CACNA2D3: variants seen among roughly 807,000 people sequenced by gnomAD.
CACNA2D3 encodes the protein calcium voltage-gated channel auxiliary subunit alpha2delta 3, also known as voltage-dependent calcium channel subunit alpha-2/delta-3.
CACNA2D3 carries 60 observed loss-of-function variants against 160.6 expected under a neutral mutation model. The ratio of observed to expected loss-of-function variants is 0.37; its 90% CI spans 0.30 to 0.46. The LOEUF (loss-of-function observed/expected upper bound fraction) is 0.46. Ranked by LOEUF, CACNA2D3 falls within the 20% of genes least tolerant of loss-of-function variation. The pLI is 1.00. For synonymous variants in CACNA2D3, 558 were observed against 492.9 expected (o/e 1.13, Z -1.75); for missense variants, 1,205 against 1,365.0 (o/e 0.88, Z 1.85).
chr3:54,659,782 T>C (rs1442870410), intron 11 of CACNA2D3, among the ~76,000 whole-genome samples: 3 of 152,200 alleles, frequency 2.0e-5, no homozygotes, highest in African/African-American at 4.8e-5. Context: ...CATTTATCTC[T>C]GCGGTGTTTG....
intron 2 of CACNA2D3, among the ~76,000 whole-genome samples, chr3:54,302,376 A>AG (rs1272762770): frequency 6.6e-6 from 1 of 152,116 alleles, no homozygotes; most frequent in African/African-American, 2.4e-5. Context: ...TTGTTTGTGG[A>AG]GGGGACTTAC....
intron 2 of CACNA2D3, among the ~76,000 whole-genome samples, chr3:54,235,826 G>A (rs1701862718): frequency 6.6e-6 from 1 of 152,212 alleles, no homozygotes; most frequent in Non-Finnish European, 1.5e-5. Context: ...CGGGAGGTGT[G>A]TAACTCCCAC....
At chr3:54,265,530 ATG>A (rs59375998) in intron 2 of CACNA2D3, among the ~76,000 whole-genome samples, 25,582 of 132,136 alleles carry the variant, frequency 0.19, 3,176 homozygotes, top group Admixed American at 0.25. Context: ...AACTTAAAGT[ATG>A]TGTGTGTGTG....
chr3:54,937,494 G>A (rs1260196551), intron 27 of CACNA2D3, among the ~76,000 whole-genome samples: 1 of 152,170 alleles, frequency 6.6e-6, no homozygotes, highest in Non-Finnish European at 1.5e-5. Flanking sequence ...CATAAATTAT[G>A]TATTTTCCAA....
chr3:54,488,047 G>A lies in CACNA2D3; in HGVS notation c.382-15445G>A, dbSNP rs151274324. 5.3e-5 allele frequency among the ~76,000 whole-genome samples: 8 copies of A among 152,336 alleles called. No homozygotes were observed. In the East Asian group the frequency reaches 1.3e-3, roughly 26 times the overall value. ...TGAAGCCACCCATACAAAGGTCTTA[G>A]GGGAATAGGCTTCGAGGCAGGATGA... is the stretch of plus-strand genomic sequence containing the variant. On this transcript the variant is annotated intron_variant, in intron 4 of 37. Coordinates refer to ENST00000474759, the MANE Select transcript of CACNA2D3 (RefSeq NM_018398.3).
At chr3:54,879,918 C>T (rs1699751822) in intron 20 of CACNA2D3, among the ~76,000 whole-genome samples, 1 of 152,218 alleles carries the variant, frequency 6.6e-6, no homozygotes, top group Admixed American at 6.5e-5. Flanking sequence ...GGCTTTGCCT[C>T]ATTGGCTGCT....
chr3:54,476,267 T>TATATATCAC (rs943391582), intron 4 of CACNA2D3, among the ~76,000 whole-genome samples: 1 of 150,388 alleles, frequency 6.6e-6, no homozygotes, highest in Non-Finnish European at 1.5e-5. Context: ...TGTGTATATA[T>TATATATCAC]ATATATCACA....
chr3:54,123,606 G>A lies in CACNA2D3; in HGVS notation c.204+12G>A. 6.2e-7 allele frequency: 1 copy of A among 1,608,632 alleles called. No individual in the cohort carries two copies. The highest frequency in any genetic ancestry group is 1.7e-4 in the Middle Eastern group (1 of 6,056). ...AGCTTCTGCAAAAGGTAAGGTTTCTGTGGTGGCAGGAAGCGATGATTTTTC... is the reference window on the plus strand; with the variant it reads ...AGCTTCTGCAAAAGGTAAGGTTTCTATGGTGGCAGGAAGCGATGATTTTTC... On this transcript the variant is annotated intron_variant, in intron 2 of 37. Coordinates refer to ENST00000474759, the MANE Select transcript of CACNA2D3 (RefSeq NM_018398.3).
intron 4 of CACNA2D3, among the ~76,000 whole-genome samples, chr3:54,446,735 A>T (rs1700227487): frequency 6.6e-6 from 1 of 152,044 alleles, no homozygotes; most frequent in South Asian, 2.1e-4. Context: ...TAGCCTGAGG[A>T]TGTCGTTTTC....
intron 2 of CACNA2D3, among the ~76,000 whole-genome samples, chr3:54,169,121 G>A (rs950093443): frequency 3.3e-5 from 5 of 152,206 alleles, no homozygotes; most frequent in African/African-American, 1.2e-4. Context: ...TGACACGAGA[G>A]ACCCCAAGGG....
chr3:54,740,514 T>C (rs1412757828), intron 11 of CACNA2D3, among the ~76,000 whole-genome samples: 2 of 151,926 alleles, frequency 1.3e-5, no homozygotes, highest in Non-Finnish European at 2.9e-5. Context: ...GGGCAAGAGG[T>C]TGGTATACAG....
chr3:54,696,039 T>C (rs903269893), intron 11 of CACNA2D3, among the ~76,000 whole-genome samples: 1 of 152,140 alleles, frequency 6.6e-6, no homozygotes, highest in African/African-American at 2.4e-5. Context: ...TCTCCCCCAG[T>C]GTGGTCCTAG....
At chr3:54,900,236 G>A (rs150683312) in intron 27 of CACNA2D3, among the ~76,000 whole-genome samples, 24 of 152,274 alleles carry the variant, frequency 1.6e-4, no homozygotes, top group African/African-American at 5.5e-4. Flanking sequence ...GAAATTGCAG[G>A]TTTGTTTTAG....
intron 13 of CACNA2D3, among the ~76,000 whole-genome samples, chr3:54,797,261 G>A (rs751872563): frequency 3.3e-5 from 5 of 152,216 alleles, no homozygotes; most frequent in Non-Finnish European, 7.3e-5. Flanking sequence ...TACTGAGACA[G>A]TGTTTCCCAG....
chr3:54,288,965 A>G (rs1703110867), intron 2 of CACNA2D3, among the ~76,000 whole-genome samples: 1 of 152,186 alleles, frequency 6.6e-6, no homozygotes, highest in Admixed American at 6.5e-5. Flanking sequence ...CCAATATCAT[A>G]CTGAATGGGC....
intron 2 of CACNA2D3, among the ~76,000 whole-genome samples, chr3:54,279,065 G>A (rs118168719): frequency 6.6e-6 from 1 of 152,136 alleles, no homozygotes; most frequent in East Asian, 1.9e-4. Flanking sequence ...CGGATCCTGC[G>A]ACGATACCTA....
intron 11 of CACNA2D3, among the ~76,000 whole-genome samples, chr3:54,725,240 A>G (rs1701254457): frequency 6.6e-6 from 1 of 152,216 alleles, no homozygotes; most frequent in Non-Finnish European, 1.5e-5. Context: ...GAATAAACCA[A>G]TAACAAGTTC....
rs1362811313 is a variant in CACNA2D3, at chr3:54,350,968, GTTTTTTTTTTTTT to G, written c.321+30411_321+30423del. On this transcript the variant is annotated intron_variant, in intron 3 of 37. Transcript: ENST00000474759. ...GCTTGGATTTTGAGATCTTGAGTCT[GTTTTTTTTTTTTT>G]GTTTGTTTTTTTTTTTTTTTTTTTT... is the stretch of plus-strand genomic sequence containing the variant. 3.0e-3 allele frequency among the ~76,000 whole-genome samples: 168 copies of G among 56,112 alleles called. 1 individual carries two copies. The highest frequency in any genetic ancestry group is 9.5e-3 in the Admixed American group (40 of 4,196). The allele number at this position is 56,112 out of a possible 152,430, so 36.8% of individuals were successfully genotyped here.
chr3:55,062,306 C>G (rs1704532545), intron 35 of CACNA2D3, among the ~76,000 whole-genome samples: 1 of 149,872 alleles, frequency 6.7e-6, no homozygotes, highest in Admixed American at 6.6e-5. Flanking sequence ...GACATACAGC[C>G]TCACTATAAG....
Sources: gnomAD v4.1 joint callset for allele counts (sites outside exome capture counted in the v4.1 genomes callset) on GRCh38, gnomAD v4.1.1 for gene constraint, MANE v1.5 for transcripts, NCBI Gene and HGNC (gene_info 2026-07-23, HGNC 2026-07-21) for gene names.